Variants in ZBTB20 observed in about 807,000 individuals in gnomAD.
ZBTB20 encodes zinc finger and BTB domain containing 20, also known as zinc finger and BTB domain-containing protein 20.
Under a neutral mutation model 56.9 loss-of-function variants are expected in ZBTB20, and 9 were observed. The observed-to-expected ratio is 0.16, with a 90% CI of 0.10 to 0.28. ZBTB20 has a LOEUF of 0.28. Among genes scored for constraint, ZBTB20 ranks in the 10% least tolerant of loss-of-function variants. ZBTB20 has a pLI of 1.00. For synonymous variants in ZBTB20, 417 were observed against 420.7 expected (o/e 0.99, Z 0.11); for missense variants, 655 against 1,003.0 (o/e 0.65, Z 4.69).
At chr3:114,371,110 C>T (rs1032622937) in intron 10 of ZBTB20, among the ~76,000 whole-genome samples, 5 of 152,156 alleles carry the variant, frequency 3.3e-5, no homozygotes, top group African/African-American at 1.2e-4. Context: ...TCATGGTAGG[C>T]CCTACTTAAC....
chr3:114,590,513 A>T (rs1394741719), intron 6 of ZBTB20, among the ~76,000 whole-genome samples: 7 of 27,524 alleles, frequency 2.5e-4, no homozygotes, highest in Non-Finnish European at 3.1e-4. Context: ...ATAAAAAATA[A>T]AAATAAATAA....
chr3:115,012,336 T>C (rs1576560675), intron 2 of ZBTB20, among the ~76,000 whole-genome samples: 1 of 151,708 alleles, frequency 6.6e-6, no homozygotes, highest in African/African-American at 2.4e-5. Context: ...ACAATACCTA[T>C]AAAGACACAT....
rs568080255 is a variant in ZBTB20 at position 115,034,283 on chromosome 3, T to C, written c.-507+36936A>G. Among the ~76,000 whole-genome samples the C allele has an allele frequency of 5.3e-5, 8 of 151,602 alleles. 1 individual carries two copies. The South Asian group carries it at 1.7e-3, about 32-fold the overall frequency. On this transcript the variant is annotated intron_variant, in intron 2 of 11. Transcript: ENST00000675478. ...GGCACCCAAATCAGAAAGAAATAAGTAAAATTATCTCTGTTCACATATCAT... is the reference window on the plus strand; with the variant it reads ...GGCACCCAAATCAGAAAGAAATAAGCAAAATTATCTCTGTTCACATATCAT...
intron 4 of ZBTB20, among the ~76,000 whole-genome samples, chr3:114,884,300 A>T (rs1394531941): frequency 6.6e-6 from 1 of 152,140 alleles, no homozygotes; most frequent in Non-Finnish European, 1.5e-5. Flanking sequence ...AAGTATATTG[A>T]TAGATTTTTA....
intron 2 of ZBTB20, among the ~76,000 whole-genome samples, chr3:115,057,810 T>C (rs1365757201): frequency 2.6e-5 from 4 of 152,194 alleles, no homozygotes; most frequent in Admixed American, 6.5e-5. Flanking sequence ...ACTCTTTTTA[T>C]CTTTCAGCAT....
At chr3:114,387,246 C>T (rs2085258000) in intron 8 of ZBTB20, 1 of 152,100 alleles carries the variant, frequency 6.6e-6, no homozygotes, top group Non-Finnish European at 1.5e-5. Flanking sequence ...TGTCAACCCA[C>T]CAGAAGAGAT....
chr3:115,085,341 C>T (rs777290629), intron 1 of ZBTB20, among the ~76,000 whole-genome samples: 2 of 151,850 alleles, frequency 1.3e-5, no homozygotes, highest in Non-Finnish European at 2.9e-5. Flanking sequence ...GGGATGTGAA[C>T]AAATATCCTG....
intron 3 of ZBTB20, among the ~76,000 whole-genome samples, chr3:114,921,484 T>C (rs1169113779): frequency 2.0e-5 from 3 of 152,026 alleles, no homozygotes; most frequent in African/African-American, 4.8e-5. Flanking sequence ...TGCCCATCCC[T>C]CTCAAACAGT....
intron 2 of ZBTB20, among the ~76,000 whole-genome samples, chr3:115,041,217 T>G (rs2081129122): frequency 6.6e-6 from 1 of 152,154 alleles, no homozygotes; most frequent in South Asian, 2.1e-4. Flanking sequence ...CACCTAAACT[T>G]CATAAAGTCA....
intron 4 of ZBTB20, among the ~76,000 whole-genome samples, chr3:114,818,870 C>A (rs531104553): frequency 6.6e-6 from 1 of 152,028 alleles, no homozygotes; most frequent in South Asian, 2.1e-4. Context: ...AGGAAATAGA[C>A]AGTCATCTTT....
intron 6 of ZBTB20, among the ~76,000 whole-genome samples, chr3:114,571,249 C>CTTGTT (rs1485712098): frequency 6.6e-5 from 10 of 152,126 alleles, no homozygotes; most frequent in African/African-American, 2.4e-4. Context: ...GCGTTTAACA[C>CTTGTT]TTTGCACTTC....
chr3:114,706,741 C>T (rs2063741085), intron 5 of ZBTB20, among the ~76,000 whole-genome samples: 1 of 152,082 alleles, frequency 6.6e-6, no homozygotes, highest in African/African-American at 2.4e-5. Context: ...TGAGATTATT[C>T]ACTGAGGCCA....
intron 6 of ZBTB20, among the ~76,000 whole-genome samples, chr3:114,528,469 T>G (rs1405119864): frequency 6.6e-6 from 1 of 152,294 alleles, no homozygotes; most frequent in Non-Finnish European, 1.5e-5. Context: ...AGAAGAAATA[T>G]GGGCTATATT....
intron 2 of ZBTB20, among the ~76,000 whole-genome samples, chr3:115,030,359 T>C (rs2108342480): frequency 6.6e-6 from 1 of 151,262 alleles, no homozygotes; most frequent in Admixed American, 6.6e-5. Context: ...TTGCCCATAG[T>C]ACATTGTTGT....
intron 7 of ZBTB20, among the ~76,000 whole-genome samples, chr3:114,441,306 G>A (rs1295399905): frequency 6.6e-6 from 1 of 152,120 alleles, no homozygotes; most frequent in Non-Finnish European, 1.5e-5. Flanking sequence ...TAACATTGCT[G>A]ACAAATTAGT....
At chr3:114,556,076 A>G (rs897283423) in intron 6 of ZBTB20, among the ~76,000 whole-genome samples, 1 of 152,066 alleles carries the variant, frequency 6.6e-6, no homozygotes, top group African/African-American at 2.4e-5. Flanking sequence ...GCAATTAAAA[A>G]CTAAACAGGG....
intron 6 of ZBTB20, among the ~76,000 whole-genome samples, chr3:114,623,255 T>C (rs1233391127): frequency 6.6e-6 from 1 of 152,174 alleles, no homozygotes; most frequent in Non-Finnish European, 1.5e-5. Context: ...ATTTTGGCTA[T>C]GAAAGCTGGT....
chr3:114,781,896 G>A (rs912461633), intron 5 of ZBTB20, among the ~76,000 whole-genome samples: 8 of 152,034 alleles, frequency 5.3e-5, no homozygotes, highest in African/African-American at 9.7e-5. Flanking sequence ...TTCACCTTCC[G>A]CCATGATTGT....
intron 7 of ZBTB20, among the ~76,000 whole-genome samples, chr3:114,424,586 A>T (rs187238004): frequency 6.6e-6 from 1 of 152,346 alleles, no homozygotes; most frequent in Non-Finnish European, 1.5e-5. Context: ...ATGTATTAAC[A>T]TGGGAGCAAA....
Sources: allele counts gnomAD v4.1 joint callset (sites outside exome capture counted in the v4.1 genomes callset), GRCh38; gene constraint gnomAD v4.1.1; transcripts MANE v1.5; gene names NCBI Gene and HGNC (gene_info 2026-07-23, HGNC 2026-07-21).